NALF1: variants seen among roughly 807,000 people sequenced by gnomAD.
NALF1 encodes the protein family with sequence similarity 155 member A.
In NALF1, 3 loss-of-function variants were observed where a neutral mutation model predicts 48.4. That is an observed-to-expected ratio of 0.06 (90% CI 0.03 to 0.16). The LOEUF is 0.16. Among genes scored for constraint, NALF1 ranks in the 10% least tolerant of loss-of-function variants. The pLI is 1.00. For missense variants in NALF1, 526 were observed against 571.5 expected, an observed-to-expected ratio of 0.92 and a Z score of 0.81; for synonymous variants, 262 against 245.7, an observed-to-expected ratio of 1.07 and a Z score of -0.62.
At chr13:107,860,940 G>A (rs1478595833) in intron 1 of NALF1, among the ~76,000 whole-genome samples, 2 of 152,120 alleles carry the variant, frequency 1.3e-5, no homozygotes, top group Non-Finnish European at 2.9e-5. Context: ...GAGGTTAAAA[G>A]CAATATATAA....
chr13:107,859,641 G>A (rs1880516599), intron 1 of NALF1, among the ~76,000 whole-genome samples: 1 of 152,140 alleles, frequency 6.6e-6, no homozygotes, highest in African/African-American at 2.4e-5. Context: ...GGTGGCTCAT[G>A]CCTGTAATCT....
chr13:107,638,201 A>ATATATATATATGTATATGTATG (rs372122331), intron 1 of NALF1, among the ~76,000 whole-genome samples: 4 of 110,830 alleles, frequency 3.6e-5, no homozygotes, highest in African/African-American at 1.1e-4. Flanking sequence ...ATATATATAT[A>ATATATATATATGTATATGTATG]TATATAATTT....
At chr13:107,464,517 T>A (rs1202601606) in intron 1 of NALF1, among the ~76,000 whole-genome samples, 3 of 150,820 alleles carry the variant, frequency 2.0e-5, no homozygotes, top group Non-Finnish European at 4.4e-5. Context: ...GCAATACAAA[T>A]TTTTTTTTTA....
chr13:107,642,198 G>C lies in NALF1; in HGVS notation c.915+223484C>G, dbSNP rs570367153. Among the ~76,000 whole-genome samples the C allele has an allele frequency of 7.7e-4, 117 of 152,304 alleles. 7 individuals carry two copies. The South Asian group carries it at 0.024, about 31-fold the overall frequency. ...TGCTTCCAACAACTATGAAAGGTAG[G>C]AGGAAGTAGTTGCCATAATTCATGG... On this transcript the variant is annotated intron_variant, in intron 1 of 2. Transcript: ENST00000375915.
At chr13:107,831,734 G>C (rs1879737651) in intron 1 of NALF1, among the ~76,000 whole-genome samples, 1 of 152,180 alleles carries the variant, frequency 6.6e-6, no homozygotes, top group Admixed American at 6.5e-5. Context: ...TTTGTAACAA[G>C]ATGTTTGCGC....
chr13:107,864,934 A>G (rs1880668700), intron 1 of NALF1, among the ~76,000 whole-genome samples: 1 of 152,224 alleles, frequency 6.6e-6, no homozygotes, highest in Non-Finnish European at 1.5e-5. Flanking sequence ...ACGTTTTGCT[A>G]TTTAATACTT....
In NALF1 at chr13:107,681,756, G is replaced by A. The variant is rs184304555; in HGVS notation, c.915+183926C>T. 3.9e-3 allele frequency among the ~76,000 whole-genome samples: 595 copies of A among 152,250 alleles called. 3 individuals carry two copies. Among genetic ancestry groups the A allele is most frequent in the Non-Finnish European group, 6.7e-3 (455 of 68,010 alleles). On this transcript the variant is annotated intron_variant, in intron 1 of 2. Transcript: ENST00000375915. The stretch of plus-strand genomic sequence containing the variant: ...ATCCTCTCAAGGGAGCCCAAAGGAC[G>A]GTAAATCCCCCTCCTTCCTCCTGTC...
At chr13:107,443,204 CTA>C (rs1884594009) in intron 1 of NALF1, among the ~76,000 whole-genome samples, 2 of 151,866 alleles carry the variant, frequency 1.3e-5, no homozygotes, top group Non-Finnish European at 2.9e-5. Flanking sequence ...ATCTATCTAT[CTA>C]TCTATCTATC....
chr13:107,188,976 A>G (rs776982821), intron 2 of NALF1, among the ~76,000 whole-genome samples: 10 of 152,264 alleles, frequency 6.6e-5, no homozygotes, highest in Non-Finnish European at 1.2e-4. Context: ...TGCAAAAGCC[A>G]TTCAGAGCTG....
At chr13:107,453,851 A>G (rs192385051) in intron 1 of NALF1, among the ~76,000 whole-genome samples, 3 of 152,310 alleles carry the variant, frequency 2.0e-5, no homozygotes, top group East Asian at 3.9e-4. Context: ...CACCCAAGTC[A>G]GCTCTTGAAT....
intron 1 of NALF1, among the ~76,000 whole-genome samples, chr13:107,281,948 T>C (rs559034184): frequency 6.6e-6 from 1 of 152,168 alleles, no homozygotes; most frequent in African/African-American, 2.4e-5. Flanking sequence ...ACCTGGTCTC[T>C]CCTTTAAAAC....
chr13:107,412,350 T>TA (rs1884006687), intron 1 of NALF1, among the ~76,000 whole-genome samples: 1 of 152,136 alleles, frequency 6.6e-6, no homozygotes, highest in African/African-American at 2.4e-5. Context: ...GTAATTTTTT[T>TA]AAAAAATTGC....
chr13:107,682,892 T>C (rs1294777083), intron 1 of NALF1, among the ~76,000 whole-genome samples: 1 of 152,188 alleles, frequency 6.6e-6, no homozygotes, highest in Non-Finnish European at 1.5e-5. Flanking sequence ...CAAAAGCCTA[T>C]GTTTGTTTTA....
chr13:107,821,314 C>G (rs563764862), intron 1 of NALF1, among the ~76,000 whole-genome samples: 10 of 152,294 alleles, frequency 6.6e-5, no homozygotes, highest in African/African-American at 2.4e-4. Flanking sequence ...CGTACAGCGA[C>G]TTAGCATCAG....
intron 1 of NALF1, among the ~76,000 whole-genome samples, chr13:107,386,741 T>G (rs1883537401): frequency 6.6e-6 from 1 of 152,172 alleles, no homozygotes; most frequent in Non-Finnish European, 1.5e-5. Flanking sequence ...TTTCCTTAAG[T>G]TATCTGAGCT....
intron 1 of NALF1, among the ~76,000 whole-genome samples, chr13:107,807,299 A>G (rs1878825381): frequency 6.6e-6 from 1 of 152,212 alleles, no homozygotes; most frequent in African/African-American, 2.4e-5. Context: ...ATATACTGTC[A>G]TGCATTTTTG....
At chr13:107,602,414 A>C (rs1312648701) in intron 1 of NALF1, among the ~76,000 whole-genome samples, 1 of 152,052 alleles carries the variant, frequency 6.6e-6, no homozygotes, top group Non-Finnish European at 1.5e-5. Flanking sequence ...TGCCACCCCT[A>C]CTTTGGGGTC....
At chr13:107,612,110 A>G (rs1457732488) in intron 1 of NALF1, among the ~76,000 whole-genome samples, 471 of 22,150 alleles carry the variant, frequency 0.021, 24 homozygotes, top group East Asian at 0.18. Flanking sequence ...GGGAGGGAGG[A>G]AGGGGAGGGG....
At chr13:107,538,080 C>T (rs1406457182) in intron 1 of NALF1, among the ~76,000 whole-genome samples, 3 of 152,182 alleles carry the variant, frequency 2.0e-5, no homozygotes, top group Non-Finnish European at 4.4e-5. Context: ...CAACAGTAAT[C>T]TTAATTAATG....
Sources: allele counts gnomAD v4.1 joint callset (sites outside exome capture counted in the v4.1 genomes callset), GRCh38; gene constraint gnomAD v4.1.1; transcripts MANE v1.5; gene names NCBI Gene and HGNC (gene_info 2026-07-23, HGNC 2026-07-21).